The following CD4 variants were observed in gnomAD, a reference collection of about 807,000 sequenced individuals.
CD4 encodes CD4 molecule.
In CD4, 25 loss-of-function variants were observed where a neutral mutation model predicts 50.5. The observed-to-expected ratio is 0.49, with a 90% confidence interval of 0.36 to 0.69. The LOEUF is 0.69. CD4 is among the 30% of genes least tolerant of loss of function. The pLI, the probability that CD4 is intolerant of heterozygous loss-of-function variation, is 0.00. For synonymous variants in CD4, 207 were observed against 221.9 expected (o/e 0.93, Z 0.60); for missense variants, 456 against 548.5 (o/e 0.83, Z 1.68).
In CD4 at chr12:6,818,088, ACGCGCACACG is replaced by A. The variant is rs72198994; in HGVS notation, c.1157-323_1157-314del. On this transcript the variant is annotated intron_variant, in intron 7 of 9. Transcript: ENST00000011653. The surrounding 1 kb of genome is among the most constrained non-coding windows in gnomAD (Gnocchi z 5.0). Reference sequence around the variant, plus strand: ...CACACACATTCACACATGGACTCACACGCGCACACGCGCGCACACACACACATTCACACCA... The same window carrying A: ...CACACACATTCACACATGGACTCACACGCGCACACACACACATTCACACCA... Among the ~76,000 whole-genome samples, 72,107 of 149,126 alleles carry A rather than the reference ACGCGCACACG, an allele frequency of 0.48. 18,235 individuals carry two copies. Among genetic ancestry groups the A allele is most frequent in the East Asian group, 0.76 (3,804 of 5,010 alleles).
In CD4 at chr12:6,792,019, T is replaced by A. The variant is rs533808112; in HGVS notation, c.-68+2357T>A. ...GGGCACGGTTCCCCCGATGTGGGTG[T>A]CTGAGGCGAAGAAGAGGATGGCGGA... On this transcript the variant is annotated intron_variant, in intron 1 of 9. Coordinates refer to ENST00000011653, the MANE Select transcript of CD4 (RefSeq NM_000616.5). This position sits in a 1 kb window ranked among gnomAD's most constrained non-coding sequence, Gnocchi z 4.1. Among the ~76,000 whole-genome samples the A allele has an allele frequency of 2.6e-5, 4 of 152,242 alleles. No homozygotes were observed. In the East Asian group the frequency reaches 7.7e-4, roughly 29 times the overall value.
At chr12:6,808,065 G>A (rs1942819744) in intron 3 of CD4, among the ~76,000 whole-genome samples, 1 of 126,716 alleles carries the variant, frequency 7.9e-6, no homozygotes, top group East Asian at 2.5e-4. Context: ...GGGCGACAGA[G>A]TGAGGCTCTT....
At position 6,814,135 on chromosome 12, in the gene CD4, C is replaced by T. The variant is rs782481065; in HGVS notation, c.215-7C>T. On this transcript the variant is annotated splice_polypyrimidine_tract_variant and splice_region_variant and intron_variant, in intron 3 of 9. Transcript: ENST00000011653. ...TCAGTCCCCCCCCATATGTCTTCTG[C>T]TCCCAGGTCCATCCAAGCTGAATGA... 5 of 1,613,080 alleles carry T rather than the reference C, an allele frequency of 3.1e-6. No homozygotes were observed. Among genetic ancestry groups the T allele is most frequent in the South Asian group, 1.1e-5 (1 of 90,976 alleles).
At position 6,798,397 on chromosome 12, in the gene CD4, C is replaced by A. The variant is rs541703453; in HGVS notation, c.-67-1675C>A. On this transcript the variant is annotated intron_variant, in intron 1 of 9. Coordinates refer to ENST00000011653, the MANE Select transcript of CD4 (RefSeq NM_000616.5). ...CCGTGTTCACCAGGATGGTCTCGAT[C>A]TCCTGACCTCATGATCCGCCCGCCT... 2.4e-3 allele frequency among the ~76,000 whole-genome samples: 225 copies of A among 93,098 alleles called. 47 individuals are homozygous for A. Among genetic ancestry groups the A allele is most frequent in the Middle Eastern group, 6.7e-3 (1 of 150 alleles). 61.1% of individuals were successfully genotyped at this position (93,098 alleles called of 152,430 possible). A position where few individuals can be genotyped will look rare whatever the true frequency, so the allele number is the denominator to read the frequency against.
intron 4 of CD4, 94 bp from the exon 5 acceptor site, chr12:6,814,665 C>A (rs11575098): frequency 5.2e-6 from 5 of 954,718 alleles, no homozygotes; most frequent in Middle Eastern, 2.1e-4. Context: ...GATGTTGGGA[C>A]GGCGATAATG....
chr12:6,812,934 G>T (rs1942980874), intron 3 of CD4, among the ~76,000 whole-genome samples: 2 of 151,774 alleles, frequency 1.3e-5, no homozygotes, highest in African/African-American at 4.8e-5. Context: ...TTTAAATGGG[G>T]TCTCATTCTG....
At chr12:6,811,704 G>A (rs1555117025) in intron 3 of CD4, among the ~76,000 whole-genome samples, 1 of 150,898 alleles carries the variant, frequency 6.6e-6, no homozygotes, top group African/African-American at 2.4e-5. Context: ...TAGAGATGGG[G>A]TTTCACCATG....
intron 1 of CD4, among the ~76,000 whole-genome samples, chr12:6,798,465 TTTTTAAAA>T (rs1555114678): frequency 1.2e-5 from 1 of 83,702 alleles, no homozygotes; most frequent in Admixed American, 1.0e-4. Context: ...AGGCAAGAAC[TTTTTAAAA>T]GTGCATCTTG....
At position 6,818,352 on chromosome 12, in the gene CD4, C is replaced by T; in HGVS notation, c.1157-69C>T. ...ACCAGAGACTGGCCAGGAGGGATTGCAGGGCAGTCCTCAGTCCCCTGGCCC... is the reference window on the plus strand; with the variant it reads ...ACCAGAGACTGGCCAGGAGGGATTGTAGGGCAGTCCTCAGTCCCCTGGCCC... On this transcript the variant is annotated intron_variant, in intron 7 of 9. Coordinates refer to ENST00000011653, the MANE Select transcript of CD4 (RefSeq NM_000616.5). The surrounding 1 kb of genome is among the most constrained non-coding windows in gnomAD (Gnocchi z 5.0). The T allele has an allele frequency of 6.3e-7, 1 of 1,587,064 alleles. No individual in the cohort carries two copies. Among genetic ancestry groups the T allele is most frequent in the Non-Finnish European group, 8.6e-7 (1 of 1,166,032 alleles).
intron 3 of CD4, among the ~76,000 whole-genome samples, chr12:6,811,730 T>C (rs1942945712): frequency 6.6e-6 from 1 of 151,792 alleles, no homozygotes; most frequent in Non-Finnish European, 1.5e-5. Context: ...CAGGCTGGTC[T>C]TGAACTCCTG....
chr12:6,793,649 C>CATCT (rs56153037), intron 1 of CD4, among the ~76,000 whole-genome samples: 112 of 128,218 alleles, frequency 8.7e-4, no homozygotes, highest in Middle Eastern at 4.1e-3. Flanking sequence ...ATCTATCTAT[C>CATCT]ATCTATCTAT....
chr12:6,818,850 C>G lies in CD4; in HGVS notation c.1282C>G (p.Gln428Glu). 1 of 1,613,282 alleles carries G rather than the reference C, an allele frequency of 6.2e-7. No homozygotes were observed. The highest frequency in any genetic ancestry group is 8.5e-7 in the Non-Finnish European group (1 of 1,179,460). The change falls in exon 9 of 10, where the codon CAA becomes GAA. Residue 428 changes from glutamine to glutamate, a missense_variant. By Grantham distance (29) the Gln-to-Glu change is conservative. Transcript: ENST00000011653. The surrounding 1 kb of genome is among the most constrained non-coding windows in gnomAD (Gnocchi z 5.0). ...TCCCTTTCTTGTCCCTGGACAGCGCCAAGCAGAGCGGATGTCTCAGATCAA... is the reference window on the plus strand; with the variant it reads ...TCCCTTTCTTGTCCCTGGACAGCGCGAAGCAGAGCGGATGTCTCAGATCAA... ...FCVRCRHRRR[Q>E]AERMSQIKRL...
chr12:6,806,550 C>A (rs1396692154), intron 3 of CD4, among the ~76,000 whole-genome samples: 1 of 152,080 alleles, frequency 6.6e-6, no homozygotes, highest in Non-Finnish European at 1.5e-5. Flanking sequence ...ACATACTTAG[C>A]AAAGGACTGG....
At position 6,794,781 on chromosome 12, in the gene CD4, TTTTTG is replaced by T. The variant is rs1399796665; in HGVS notation, c.-68+5124_-68+5128del. On this transcript the variant is annotated intron_variant, in intron 1 of 9. Coordinates refer to ENST00000011653, the MANE Select transcript of CD4 (RefSeq NM_000616.5). Reference sequence around the variant, plus strand: ...TCTATCTGTCTGTATGTCTGTTTTTTTTTTGTTTTTTTTTTTTTTTTGAGATAGAG... The same window carrying T: ...TCTATCTGTCTGTATGTCTGTTTTTTTTTTTTTTTTTTTTTTGAGATAGAG... Among the ~76,000 whole-genome samples the T allele has an allele frequency of 4.7e-4, 62 of 131,718 alleles. 5 individuals are homozygous for T. In the South Asian group the frequency reaches 5.4e-3, roughly 11 times the overall value. The allele number at this position is 131,718 out of a possible 152,430, so 86.4% of individuals were successfully genotyped here. A position where few individuals can be genotyped will look rare whatever the true frequency, so the allele number is the denominator to read the frequency against.
chr12:6,809,971 C>A (rs964121300), intron 3 of CD4, among the ~76,000 whole-genome samples: 2 of 149,632 alleles, frequency 1.3e-5, no homozygotes, highest in African/African-American at 2.5e-5. Flanking sequence ...CTCACTGCAA[C>A]CTTTGTCTCC....
At chr12:6,796,862 C>T (rs1016781827) in intron 1 of CD4, among the ~76,000 whole-genome samples, 1 of 152,164 alleles carries the variant, frequency 6.6e-6, no homozygotes, top group Non-Finnish European at 1.5e-5. Flanking sequence ...AAAAGATTTA[C>T]AGTCAAGCCT....
At chr12:6,801,753 A>G (rs149903702) in intron 3 of CD4, among the ~76,000 whole-genome samples, 2,334 of 146,744 alleles carry the variant, frequency 0.016, 62 homozygotes, top group African/African-American at 0.054. Flanking sequence ...GTAGAGACAG[A>G]GTTTCACGGT....
chr12:6,819,626 G>C lies in CD4; in HGVS notation c.*297G>C, dbSNP rs781957203. 5.8e-5 allele frequency: 27 copies of C among 462,080 alleles called. No homozygotes were observed. In the East Asian group the frequency reaches 9.0e-4, roughly 15 times the overall value. The allele number at this position is 462,080 out of a possible 1,614,324, so 28.6% of individuals were successfully genotyped here. A position where few individuals can be genotyped will look rare whatever the true frequency, so the allele number is the denominator to read the frequency against. ...CCCACTGCTCATTTGGATCCCAGGG[G>C]AGTGTTCAGGGCCAGCCCTGGCTGG... is the stretch of plus-strand genomic sequence containing the variant. On this transcript the variant is annotated 3_prime_UTR_variant, in exon 10 of 10. Coordinates refer to ENST00000011653, the MANE Select transcript of CD4 (RefSeq NM_000616.5).
intron 3 of CD4, among the ~76,000 whole-genome samples, chr12:6,803,341 G>A (rs1354486042): frequency 6.6e-6 from 1 of 151,108 alleles, no homozygotes; most frequent in Non-Finnish European, 1.5e-5. Flanking sequence ...AGTAGATGGG[G>A]TTTCACCATG....
Sources: gnomAD v4.1 joint callset for allele counts (sites outside exome capture counted in the v4.1 genomes callset) on GRCh38, gnomAD v4.1.1 for gene constraint, Gnocchi (gnomAD v3.1) non-coding constraint, MANE v1.5 for transcripts, NCBI Gene and HGNC (gene_info 2026-07-23, HGNC 2026-07-21) for gene names.